The following OTOF variants were observed in gnomAD, a reference collection of about 807,000 sequenced individuals.
OTOF encodes the protein otoferlin.
In OTOF, 218 loss-of-function variants were observed where a neutral mutation model predicts 236.8. The ratio of observed to expected loss-of-function variants is 0.92; its 90% CI spans 0.82 to 1.03. The LOEUF is 1.03. Ranked by LOEUF, OTOF falls within the 50% of genes least tolerant of loss-of-function variation. The pLI is 0.00. For synonymous variants in OTOF, 1,041 were observed against 1,072.5 expected (o/e 0.97, Z 0.57); for missense variants, 2,590 against 2,694.4 (o/e 0.96, Z 0.86).
intron 13 of OTOF, 73 bp from the exon 14 acceptor site, chr2:26,482,665 G>T: frequency 7.6e-7 from 1 of 1,318,938 alleles, no homozygotes. Context: ...GTGTGTGAGT[G>T]GGCGCATGTG....
intron 4 of OTOF, among the ~76,000 whole-genome samples, chr2:26,517,148 T>C (rs1239536163): frequency 1.3e-5 from 2 of 152,140 alleles, no homozygotes; most frequent in African/African-American, 2.4e-5. Flanking sequence ...GCCCTAGGGT[T>C]TTCCTCTGGC....
chr2:26,515,402 T>TTGTGTGTG (rs34418795), intron 5 of OTOF, among the ~76,000 whole-genome samples: 2 of 151,578 alleles, frequency 1.3e-5, no homozygotes, highest in East Asian at 3.9e-4. Flanking sequence ...TTTCTGAAGC[T>TTGTGTGTG]TGTGTGTGTG....
intron 1 of OTOF, among the ~76,000 whole-genome samples, chr2:26,557,529 T>C (rs919861375): frequency 6.6e-5 from 10 of 152,148 alleles, no homozygotes; most frequent in Admixed American, 6.5e-5. Context: ...TGCTTGGCTC[T>C]CTGGCCTCCG....
Position 26,476,351 on chromosome 2 carries a change from C to T in OTOF, c.2677-34G>A, listed in dbSNP as rs751106527. ...GGGCATGGGGTCACCAGGAGCCTGA[C>T]GGCTGCCAGGGCCCAAGAGGTGGGG... On this transcript the variant is annotated intron_variant, in intron 22 of 46. Transcript: ENST00000272371. 52 of 1,592,148 alleles carry T rather than the reference C, an allele frequency of 3.3e-5. No individual in the cohort carries two copies. The Middle Eastern group carries it at 6.6e-4, about 20-fold the overall frequency.
At chr2:26,511,152 C>T (rs1307892864) in intron 5 of OTOF, among the ~76,000 whole-genome samples, 1 of 152,068 alleles carries the variant, frequency 6.6e-6, no homozygotes, top group Non-Finnish European at 1.5e-5. Context: ...TGCTCCTCTG[C>T]CCACCGGCTC....
rs144012583 is a variant in OTOF at position 26,482,496 on chromosome 2, C to T, written c.1489G>A (p.Val497Met). 6.0e-5 allele frequency: 97 copies of T among 1,613,212 alleles called. No homozygotes were observed. The highest frequency in any genetic ancestry group is 8.1e-5 in the Non-Finnish European group (95 of 1,179,956). The part of the protein sequence containing the change: ...LFPPLCKRMK[V>M]QIRDSDKVND... ...ACCTTGTCCGAGTCTCGGATCTGCA[C>T]CTTCATGCGTTTGCAGAGTGGGGGG... is the stretch of plus-strand genomic sequence containing the variant. Residue 497 changes from valine to methionine, a missense_variant, in exon 14 of 47, where the codon GTG (valine) becomes ATG (methionine). Val to Met is a conservative substitution (Grantham distance 21). Transcript: ENST00000272371.
At chr2:26,516,741 G>T in intron 4 of OTOF, 142 bp from the exon 5 acceptor site, 1 of 839,828 alleles carries the variant, frequency 1.2e-6, no homozygotes, top group Non-Finnish European at 1.9e-6. Flanking sequence ...GATCCCCTCT[G>T]CCCCATTTTG....
rs1665338802 is a variant in OTOF, at chr2:26,477,091, T to C, written c.2524-48A>G. 1 of 1,538,072 alleles carries C rather than the reference T, an allele frequency of 6.5e-7. No homozygotes were observed. The highest frequency in any genetic ancestry group is 8.9e-7 in the Non-Finnish European group (1 of 1,128,232). On this transcript the variant is annotated intron_variant, in intron 21 of 46. Transcript: ENST00000272371. This position sits in a 1 kb window ranked among gnomAD's most constrained non-coding sequence, Gnocchi z 4.7. ...GGGCAGTGGGTAAGGGGGTCTAGCC[T>C]CCTGATTGAGCCCCCTGATCCTGAG...
Position 26,466,590 on chromosome 2 carries a change from G to C in OTOF, c.4500+124C>G, listed in dbSNP as rs186411222. On this transcript the variant is annotated intron_variant, in intron 36 of 46. Coordinates refer to ENST00000272371, the MANE Select transcript of OTOF (RefSeq NM_194248.3). ...GACCTCAGGTGATCCTCCTGCCTTGGCCTCCCAAAGTGCTGGGATTACAGG... is the reference window on the plus strand; with the variant it reads ...GACCTCAGGTGATCCTCCTGCCTTGCCCTCCCAAAGTGCTGGGATTACAGG... 9 of 1,156,698 alleles carry C rather than the reference G, an allele frequency of 7.8e-6. No homozygotes were observed. The East Asian group carries it at 2.3e-4, about 29-fold the overall frequency. The allele number at this position is 1,156,698 out of a possible 1,614,324, so 71.7% of individuals were successfully genotyped here.
At chr2:26,534,825 G>GGGCAGA (rs1158043909) in intron 2 of OTOF, among the ~76,000 whole-genome samples, 1 of 152,198 alleles carries the variant, frequency 6.6e-6, no homozygotes, top group Admixed American at 6.5e-5. Context: ...GGCAGGCCCT[G>GGGCAGA]GGCAGAGTAA....
rs1665524218 is a variant in OTOF at position 26,480,954 on chromosome 2, G to T, written c.1635C>A (p.Asn545Lys). 1 of 1,613,048 alleles carries T rather than the reference G, an allele frequency of 6.2e-7. No homozygotes were observed. The highest frequency in any genetic ancestry group is 1.1e-5 in the South Asian group (1 of 91,088). The change falls in exon 15 of 47, where the codon AAC becomes AAA. Residue 545 changes from asparagine (N) to lysine (K), a missense_variant. Around this residue, in one of 2 missense-constraint regions of OTOF, gnomAD observed 1,379 missense variants for 1,341.6 expected, o/e 1.03. Coordinates refer to ENST00000272371, the MANE Select transcript of OTOF (RefSeq NM_194248.3). ...AWVNMYGSTR[N>K]YTLLDEHQDL... The stretch of plus-strand genomic sequence containing the variant: ...CCTGATGCTCATCCAGCAGCGTGTA[G>T]TTACGTGTGGAGCCGTACATGTTCA...
In OTOF at chr2:26,477,688, C is replaced by T. The variant is rs762665959; in HGVS notation, c.2276G>A (p.Arg759His). The T allele has an allele frequency of 6.9e-5, 112 of 1,612,472 alleles. No homozygotes were observed. The highest frequency in any genetic ancestry group is 8.9e-5 in the East Asian group (4 of 44,882). The change falls in exon 19 of 47, where the codon CGC becomes CAC. Residue 759 changes from arginine to histidine, a missense_variant. Arg to His is a conservative substitution (Grantham distance 29). Coordinates refer to ENST00000272371, the MANE Select transcript of OTOF (RefSeq NM_194248.3). The surrounding 1 kb of genome is among the most constrained non-coding windows in gnomAD (Gnocchi z 4.7). ...CAGCTCCTCCAGGACGCCCCGCAGGCGACGCTCAGGGTAGGACTTCTCCGT... is the reference window on the plus strand; with the variant it reads ...CAGCTCCTCCAGGACGCCCCGCAGGTGACGCTCAGGGTAGGACTTCTCCGT... ...IKTEKSYPER[R>H]LRGVLEELSC...
intron 8 of OTOF, among the ~76,000 whole-genome samples, chr2:26,496,335 A>G (rs1224538412): frequency 6.6e-6 from 1 of 151,066 alleles, no homozygotes; most frequent in African/African-American, 2.4e-5. Context: ...CCTGGGTTCA[A>G]GCGATTCTTC....
At chr2:26,498,510 C>T (rs2148075443) in intron 8 of OTOF, among the ~76,000 whole-genome samples, 1 of 152,288 alleles carries the variant, frequency 6.6e-6, no homozygotes, top group South Asian at 2.1e-4. Context: ...GGGGGAGGGG[C>T]TTGGCCATCC....
At chr2:26,545,050 A>G (rs56258534) in intron 1 of OTOF, among the ~76,000 whole-genome samples, 1 of 137,504 alleles carries the variant, frequency 7.3e-6, no homozygotes, top group Non-Finnish European at 1.6e-5. Context: ...CAAAAAAAAA[A>G]AAAAAGAAAA....
In OTOF at chr2:26,476,156, G is replaced by A; in HGVS notation, c.2838C>T (p.Ala946=). 6.2e-7 allele frequency: 1 copy of A among 1,611,220 alleles called. No homozygotes were observed. The highest frequency in any genetic ancestry group is 8.5e-7 in the Non-Finnish European group (1 of 1,179,518). ...VKAAQGLGLH[A]FPPVSLVYTK... ...TGTAGACCAGGCTGACGGGTGGGAA[G>A]GCATGCAGGCCCAGGCCCTGGGCTG... Residue 946 remains alanine, a synonymous_variant, in exon 23 of 47, where the codon GCC becomes GCT. Transcript: ENST00000272371.
rs762269083 is a variant in OTOF at position 26,476,324 on chromosome 2, G to A, written c.2677-7C>T. The stretch of plus-strand genomic sequence containing the variant: ...AGCCCCGCTTCCCTGGCAGCTGGGG[G>A]TGGGCATGGGGTCACCAGGAGCCTG... On this transcript the variant is annotated splice_polypyrimidine_tract_variant and splice_region_variant and intron_variant, in intron 22 of 46. Transcript: ENST00000272371. The A allele has an allele frequency of 3.7e-6, 6 of 1,601,108 alleles. No individual in the cohort carries two copies. The highest frequency in any genetic ancestry group is 1.7e-5 in the Admixed American group (1 of 59,972).
chr2:26,513,266 C>A (rs1281932115), intron 5 of OTOF, among the ~76,000 whole-genome samples: 1 of 152,160 alleles, frequency 6.6e-6, no homozygotes, highest in Non-Finnish European at 1.5e-5. Flanking sequence ...CACACTGCCC[C>A]TGCTTAGAAC....
intron 1 of OTOF, among the ~76,000 whole-genome samples, chr2:26,557,060 C>A (rs1414070785): frequency 6.6e-6 from 1 of 152,216 alleles, no homozygotes; most frequent in African/African-American, 2.4e-5. Flanking sequence ...TGCCTAACCT[C>A]CGCCTGCCGG....
Sources: allele counts gnomAD v4.1 joint callset (sites outside exome capture counted in the v4.1 genomes callset), GRCh38; gene constraint gnomAD v4.1.1; regional missense constraint gnomAD v4.1.1; non-coding constraint Gnocchi (gnomAD v3.1); transcripts MANE v1.5; gene names NCBI Gene and HGNC (gene_info 2026-07-23, HGNC 2026-07-21).